The following RTN1 variants were observed in gnomAD, a reference collection of about 807,000 sequenced individuals.
RTN1 encodes the protein reticulon-1.
In RTN1, 25 loss-of-function variants were observed where a neutral mutation model predicts 65.5. The observed-to-expected ratio is 0.38, with a 90% CI of 0.28 to 0.53. RTN1 has a LOEUF of 0.53. Among genes scored for constraint, RTN1 ranks in the 20% least tolerant of loss-of-function variants. The probability of loss-of-function intolerance (pLI) is 0.79; values close to 1 mark genes in which losing one functional copy is unlikely to be tolerated. For synonymous variants in RTN1, 471 were observed against 447.6 expected (o/e 1.05, Z -0.66); for missense variants, 983 against 1,025.4 (o/e 0.96, Z 0.57).
chr14:59,818,815 T>TTC (rs1886868584), intron 1 of RTN1, among the ~76,000 whole-genome samples: 2 of 152,238 alleles, frequency 1.3e-5, no homozygotes, highest in Non-Finnish European at 2.9e-5. Context: ...ATCTGCAACC[T>TTC]CAGCGACATC....
intron 1 of RTN1, among the ~76,000 whole-genome samples, chr14:59,823,154 T>C (rs1019987389): frequency 1.3e-5 from 2 of 152,194 alleles, no homozygotes; most frequent in Non-Finnish European, 2.9e-5. Context: ...TCTGCATAGA[T>C]CTCTAAGAAC....
intron 1 of RTN1, among the ~76,000 whole-genome samples, chr14:59,778,572 A>G (rs1308054152): frequency 6.6e-6 from 1 of 152,154 alleles, no homozygotes; most frequent in African/African-American, 2.4e-5. Flanking sequence ...TAGTTCTTTC[A>G]GGGCCTCTTA....
intron 3 of RTN1, among the ~76,000 whole-genome samples, chr14:59,622,486 C>G (rs1882281952): frequency 6.6e-6 from 1 of 150,942 alleles, no homozygotes; most frequent in South Asian, 2.1e-4. Context: ...AATGATTTAA[C>G]TACAATAATT....
chr14:59,666,970 A>AG, intron 3 of RTN1, among the ~76,000 whole-genome samples: 1 of 144,606 alleles, frequency 6.9e-6, no homozygotes, highest in East Asian at 2.0e-4. Context: ...ACCAAAAAAA[A>AG]AAAAAAAAAA....
At chr14:59,640,049 C>G (rs530711655) in intron 3 of RTN1, among the ~76,000 whole-genome samples, 4 of 152,184 alleles carry the variant, frequency 2.6e-5, no homozygotes, top group African/African-American at 9.6e-5. Context: ...TAGGTTTATA[C>G]TGGCCTCACA....
At chr14:59,711,580 C>T (rs1245844692) in intron 3 of RTN1, among the ~76,000 whole-genome samples, 1 of 152,160 alleles carries the variant, frequency 6.6e-6, no homozygotes, top group Non-Finnish European at 1.5e-5. Flanking sequence ...GTGGCTTCAC[C>T]TTTGTGTATG....
chr14:59,748,625 T>G (rs180906612), intron 1 of RTN1, among the ~76,000 whole-genome samples: 106 of 152,214 alleles, frequency 7.0e-4, no homozygotes, highest in Non-Finnish European at 1.0e-3. Flanking sequence ...AACATATGTT[T>G]TATGCATCGA....
chr14:59,837,734 T>G (rs1312620251), intron 1 of RTN1, among the ~76,000 whole-genome samples: 4 of 148,358 alleles, frequency 2.7e-5, no homozygotes, highest in African/African-American at 7.3e-5. Flanking sequence ...AAAATTATTT[T>G]AATAATAATA....
rs546530938 is a variant in RTN1, at chr14:59,836,480, T to G, written c.241+33910A>C. On this transcript the variant is annotated intron_variant, in intron 1 of 8. Transcript: ENST00000267484. This position sits in a 1 kb window ranked among gnomAD's most constrained non-coding sequence, Gnocchi z 4.9. ...TTACATCTTCTTTGTAAGTCATGCTTTTAAGAGGTTTTGGCTTTCTTGCTT... is the reference window on the plus strand; with the variant it reads ...TTACATCTTCTTTGTAAGTCATGCTGTTAAGAGGTTTTGGCTTTCTTGCTT... Among the ~76,000 whole-genome samples the G allele has an allele frequency of 6.6e-6, 1 of 152,190 alleles. No individual in the cohort carries two copies. The highest frequency in any genetic ancestry group is 1.5e-5 in the Non-Finnish European group (1 of 68,032).
At chr14:59,724,019 C>A (rs2139472560) in intron 3 of RTN1, among the ~76,000 whole-genome samples, 1 of 152,290 alleles carries the variant, frequency 6.6e-6, no homozygotes, top group South Asian at 2.1e-4. Context: ...TTTAAATTGG[C>A]TTTTTACTTG....
At chr14:59,638,469 T>A (rs766897435) in intron 3 of RTN1, among the ~76,000 whole-genome samples, 2 of 152,192 alleles carry the variant, frequency 1.3e-5, no homozygotes, top group African/African-American at 2.4e-5. Flanking sequence ...ACATAATTCT[T>A]AAGGGCCCTA....
intron 3 of RTN1, among the ~76,000 whole-genome samples, chr14:59,665,349 T>C (rs573477913): frequency 2.0e-5 from 3 of 152,126 alleles, no homozygotes; most frequent in Non-Finnish European, 2.9e-5. Flanking sequence ...CTAAGCTTCA[T>C]AAGTGAAGGA....
At chr14:59,718,098 C>T (rs1238376649) in intron 3 of RTN1, among the ~76,000 whole-genome samples, 1 of 152,222 alleles carries the variant, frequency 6.6e-6, no homozygotes, top group African/African-American at 2.4e-5. Flanking sequence ...CTAATCTGCT[C>T]TTCCTGCCAT....
At chr14:59,650,006 C>T (rs1189581580) in intron 3 of RTN1, among the ~76,000 whole-genome samples, 1 of 152,126 alleles carries the variant, frequency 6.6e-6, no homozygotes, top group African/African-American at 2.4e-5. Context: ...AACCCAAATG[C>T]CTGGCAATGA....
intron 1 of RTN1, among the ~76,000 whole-genome samples, chr14:59,747,546 C>T (rs529103839): frequency 1.3e-4 from 20 of 152,158 alleles, no homozygotes; most frequent in African/African-American, 3.9e-4. Flanking sequence ...GAGGAGGTTG[C>T]GGTAAGCTGA....
intron 1 of RTN1, among the ~76,000 whole-genome samples, chr14:59,783,264 CAAG>C (rs1886189841): frequency 6.6e-6 from 1 of 151,972 alleles, no homozygotes; most frequent in Non-Finnish European, 1.5e-5. Flanking sequence ...ATAAAATGGA[CAAG>C]AATATAAACA....
At chr14:59,861,440 A>G (rs1181210813) in intron 1 of RTN1, among the ~76,000 whole-genome samples, 1 of 152,204 alleles carries the variant, frequency 6.6e-6, no homozygotes, top group East Asian at 1.9e-4. Context: ...AGTCTCGGGT[A>G]TCTCTTAATC....
chr14:59,862,969 C>G (rs1045693685), intron 1 of RTN1, among the ~76,000 whole-genome samples: 18 of 152,126 alleles, frequency 1.2e-4, no homozygotes, highest in Non-Finnish European at 2.9e-5. Context: ...GTTCTCAGCC[C>G]CATCTCCAAC....
intron 1 of RTN1, among the ~76,000 whole-genome samples, chr14:59,866,375 T>C (rs1887798076): frequency 6.6e-6 from 1 of 152,076 alleles, no homozygotes; most frequent in Non-Finnish European, 1.5e-5. Flanking sequence ...CAATAATGCT[T>C]CTCTCAACCC....
Sources: gnomAD v4.1 joint callset for allele counts (sites outside exome capture counted in the v4.1 genomes callset) on GRCh38, gnomAD v4.1.1 for gene constraint, Gnocchi (gnomAD v3.1) non-coding constraint, MANE v1.5 for transcripts, NCBI Gene and HGNC (gene_info 2026-07-23, HGNC 2026-07-21) for gene names.